The following CTNNA3 variants were observed in gnomAD, a reference collection of about 807,000 sequenced individuals.
The protein encoded by CTNNA3 is catenin alpha-3.
A neutral mutation model predicts 95.7 loss-of-function variants in CTNNA3; 76 were observed. The observed-to-expected ratio is 0.79, with a 90% CI of 0.66 to 0.96. The LOEUF is 0.96. Among genes scored for constraint, CTNNA3 ranks in the 40% least tolerant of loss-of-function variants. The pLI is 0.00. For synonymous variants in CTNNA3, 431 were observed against 374.4 expected (o/e 1.15, Z -1.74); for missense variants, 1,191 against 1,089.8 (o/e 1.09, Z -1.31).
intron 7 of CTNNA3, among the ~76,000 whole-genome samples, chr10:67,056,119 G>A (rs1855413173): frequency 6.6e-6 from 1 of 152,016 alleles, no homozygotes; most frequent in South Asian, 2.1e-4. Context: ...AAAATAAAAG[G>A]GTAGTCTACC....
At chr10:66,512,723 T>C (rs1840704874) in intron 11 of CTNNA3, among the ~76,000 whole-genome samples, 1 of 152,148 alleles carries the variant, frequency 6.6e-6, no homozygotes, top group African/African-American at 2.4e-5. Flanking sequence ...TTTGTATGTC[T>C]GGGAAAATTT....
chr10:67,650,979 C>A (rs944144052), intron 1 of CTNNA3, among the ~76,000 whole-genome samples: 1 of 152,168 alleles, frequency 6.6e-6, no homozygotes, highest in Non-Finnish European at 1.5e-5. Context: ...TGCCTCCCCA[C>A]TCTTCACCAC....
chr10:66,630,913 G>A (rs1049211977), intron 9 of CTNNA3, among the ~76,000 whole-genome samples: 1 of 152,138 alleles, frequency 6.6e-6, no homozygotes, highest in Non-Finnish European at 1.5e-5. Context: ...AACTGTCAGG[G>A]AAATGATAGA....
intron 5 of CTNNA3, among the ~76,000 whole-genome samples, chr10:67,270,890 T>G (rs1342424415): frequency 6.6e-6 from 1 of 152,192 alleles, no homozygotes; most frequent in Admixed American, 6.5e-5. Flanking sequence ...GTGATCTATA[T>G]GTAGAAATTT....
At chr10:66,051,776 T>A (rs935544482) in intron 15 of CTNNA3, among the ~76,000 whole-genome samples, 7 of 152,198 alleles carry the variant, frequency 4.6e-5, no homozygotes, top group African/African-American at 1.7e-4. Flanking sequence ...TTCAGAAACA[T>A]GATAGAACCC....
intron 13 of CTNNA3, among the ~76,000 whole-genome samples, chr10:66,243,301 G>C (rs1053254921): frequency 6.6e-6 from 1 of 152,188 alleles, no homozygotes; most frequent in Non-Finnish European, 1.5e-5. Context: ...ATTCTGTAGA[G>C]AATTCTCTTC....
At chr10:67,324,033 A>G (rs1042890379) in intron 5 of CTNNA3, among the ~76,000 whole-genome samples, 1 of 152,278 alleles carries the variant, frequency 6.6e-6, no homozygotes, top group Admixed American at 6.5e-5. Flanking sequence ...GTTGGTACAT[A>G]GAAACATTAG....
At chr10:66,775,081 C>T (rs553043627) in intron 8 of CTNNA3, among the ~76,000 whole-genome samples, 1 of 152,252 alleles carries the variant, frequency 6.6e-6, no homozygotes, top group African/African-American at 2.4e-5. Flanking sequence ...TGCTATGGGT[C>T]AGGCACTTAC....
At chr10:66,640,351 G>A (rs754481556) in intron 9 of CTNNA3, among the ~76,000 whole-genome samples, 3 of 152,132 alleles carry the variant, frequency 2.0e-5, no homozygotes, top group Non-Finnish European at 4.4e-5. Context: ...TCTCTTCCCA[G>A]GGGAAGCTCA....
chr10:67,536,553 A>G (rs1379607269), intron 4 of CTNNA3, among the ~76,000 whole-genome samples: 1 of 152,180 alleles, frequency 6.6e-6, no homozygotes, highest in African/African-American at 2.4e-5. Context: ...GATTCCAAGT[A>G]GAAGCTAATA....
intron 7 of CTNNA3, among the ~76,000 whole-genome samples, chr10:66,930,882 AG>A (rs1564774899): frequency 1.3e-5 from 2 of 152,160 alleles, no homozygotes; most frequent in African/African-American, 4.8e-5. Context: ...ATGGGAAAAA[AG>A]TTCTTTCTTT....
At chr10:67,078,192 C>T in intron 7 of CTNNA3, among the ~76,000 whole-genome samples, 1 of 152,166 alleles carries the variant, frequency 6.6e-6, no homozygotes, top group South Asian at 2.1e-4. Flanking sequence ...AGGTTCTTTG[C>T]TTGATCTCAG....
chr10:65,963,410 C>T (rs973577882), intron 17 of CTNNA3, among the ~76,000 whole-genome samples: 1 of 152,176 alleles, frequency 6.6e-6, no homozygotes, highest in Non-Finnish European at 1.5e-5. Flanking sequence ...TCCCTCTCCT[C>T]CTCCTACAAG....
chr10:67,554,393 T>C (rs1056030832), intron 3 of CTNNA3, among the ~76,000 whole-genome samples: 4 of 152,220 alleles, frequency 2.6e-5, no homozygotes, highest in African/African-American at 9.6e-5. Context: ...AGTGTTCCTA[T>C]TTCTCCACAT....
At chr10:66,879,836 T>C (rs945057512) in intron 7 of CTNNA3, among the ~76,000 whole-genome samples, 9 of 152,036 alleles carry the variant, frequency 5.9e-5, no homozygotes, top group African/African-American at 9.7e-5. Context: ...GAATTGGGAA[T>C]TGAAGTTGAG....
rs182403787 is a variant in CTNNA3, at chr10:66,287,543, C to T, written c.1733-6922G>A. Among the ~76,000 whole-genome samples the T allele has an allele frequency of 1.8e-3, 274 of 152,056 alleles. 2 individuals are homozygous for T. The highest frequency in any genetic ancestry group is 6.5e-3 in the African/African-American group (268 of 41,500). The stretch of plus-strand genomic sequence containing the variant: ...GTAAGAATAACCACCCTGAGACATA[C>T]CCACAAAACATTGCAGGACACTTAG... On this transcript the variant is annotated intron_variant, in intron 12 of 17. Transcript: ENST00000433211.
chr10:66,137,874 C>T (rs2083432675), intron 13 of CTNNA3, among the ~76,000 whole-genome samples: 1 of 152,018 alleles, frequency 6.6e-6, no homozygotes, highest in South Asian at 2.1e-4. Flanking sequence ...GGCTTGAGTC[C>T]AGGAGGTGGA....
chr10:66,539,358 T>C (rs949355203), intron 10 of CTNNA3, among the ~76,000 whole-genome samples: 9 of 152,088 alleles, frequency 5.9e-5, no homozygotes, highest in Admixed American at 4.6e-4. Context: ...TAATGAATGT[T>C]TGAAGAGAAA....
At chr10:66,021,025 CTCTT>C (rs1271890784) in intron 15 of CTNNA3, among the ~76,000 whole-genome samples, 1 of 152,152 alleles carries the variant, frequency 6.6e-6, no homozygotes, top group African/African-American at 2.4e-5. Context: ...TGATCACTGA[CTCTT>C]TCTTGATCTT....
Sources: gnomAD v4.1 joint callset for allele counts (sites outside exome capture counted in the v4.1 genomes callset) on GRCh38, gnomAD v4.1.1 for gene constraint, MANE v1.5 for transcripts, NCBI Gene and HGNC (gene_info 2026-07-23, HGNC 2026-07-21) for gene names.